The following MKLN1 variants were observed in gnomAD, a reference collection of about 807,000 sequenced individuals.
MKLN1 encodes the protein muskelin 1.
Under a neutral mutation model 99.0 loss-of-function variants are expected in MKLN1, and 18 were observed. The ratio of observed to expected loss-of-function variants is 0.18; its 90% confidence interval spans 0.13 to 0.27. The LOEUF (loss-of-function observed/expected upper bound fraction) is 0.27, where lower values mean the gene tolerates loss of function less well. MKLN1 is among the 10% of genes least tolerant of loss of function. MKLN1 has a pLI of 1.00. For synonymous variants in MKLN1, 288 were observed against 293.2 expected (o/e 0.98, Z 0.18); for missense variants, 621 against 875.9 (o/e 0.71, Z 3.67).
intron 1 of MKLN1, among the ~76,000 whole-genome samples, chr7:131,136,962 T>G (rs567111321): frequency 3.3e-5 from 5 of 152,308 alleles, no homozygotes; most frequent in African/African-American, 1.2e-4. Context: ...CATTGGACTG[T>G]GAGTTTCTTG....
chr7:131,155,264 C>G (rs1164864973), intron 2 of MKLN1, among the ~76,000 whole-genome samples: 1 of 152,134 alleles, frequency 6.6e-6, no homozygotes, highest in Non-Finnish European at 1.5e-5. Flanking sequence ...TATTTCATCA[C>G]CAAGCTATTC....
At chr7:131,126,297 A>T (rs1795456885) in intron 1 of MKLN1, among the ~76,000 whole-genome samples, 1 of 152,128 alleles carries the variant, frequency 6.6e-6, no homozygotes, top group Non-Finnish European at 1.5e-5. Flanking sequence ...ATGAATTATG[A>T]ACTTTTATTT....
chr7:131,419,662 ATAT>A (rs1236393309), intron 8 of MKLN1, among the ~76,000 whole-genome samples: 4 of 152,168 alleles, frequency 2.6e-5, no homozygotes, highest in Non-Finnish European at 4.4e-5. Flanking sequence ...TATTGAACTG[ATAT>A]TATTACAAAG....
At chr7:131,285,443 A>G (rs1168665804) in intron 3 of MKLN1, among the ~76,000 whole-genome samples, 1 of 152,200 alleles carries the variant, frequency 6.6e-6, no homozygotes. Context: ...TTCCGAAATG[A>G]GGTAGAAGCT....
rs528779460 is a variant in MKLN1 at position 131,163,754 on chromosome 7, A to C, written c.-297+20813A>C. ...AAATCTTCTTTTTCCTAAGGGCATC[A>C]GTGTTCTTCGCTCACAAGTAACTCT... On this transcript the variant is annotated intron_variant, in intron 2 of 7. Coordinates refer to the MKLN1 transcript ENST00000416992. Among the ~76,000 whole-genome samples, 12 of 152,334 alleles carry C rather than the reference A, an allele frequency of 7.9e-5. No homozygotes were observed. In the East Asian group the frequency reaches 1.3e-3, roughly 17 times the overall value.
chr7:131,411,238 AT>A (rs1353122255), intron 6 of MKLN1, 67 bp from the exon 7 acceptor site: 4 of 943,070 alleles, frequency 4.2e-6, no homozygotes, highest in South Asian at 1.8e-5. Flanking sequence ...TTAAATTTTA[AT>A]TTTTTTCTAT....
intron 1 of MKLN1, among the ~76,000 whole-genome samples, chr7:131,141,907 A>C (rs1563229402): frequency 6.6e-6 from 1 of 152,226 alleles, no homozygotes; most frequent in Non-Finnish European, 1.5e-5. Context: ...TAACACCAAC[A>C]AAGTATTTGG....
At chr7:131,423,575 G>T (rs1298553292) in intron 8 of MKLN1, among the ~76,000 whole-genome samples, 1 of 152,214 alleles carries the variant, frequency 6.6e-6, no homozygotes, top group South Asian at 2.1e-4. Context: ...CAGGTGATCC[G>T]CCTGCCTCGG....
At chr7:131,206,451 A>T (rs1328701375) in intron 3 of MKLN1, among the ~76,000 whole-genome samples, 1 of 151,866 alleles carries the variant, frequency 6.6e-6, no homozygotes, top group Non-Finnish European at 1.5e-5. Context: ...TAAACCAAAG[A>T]ATTTAATTTT....
At chr7:131,252,723 G>C (rs1200646950) in intron 3 of MKLN1, among the ~76,000 whole-genome samples, 1 of 152,150 alleles carries the variant, frequency 6.6e-6, no homozygotes, top group African/African-American at 2.4e-5. Flanking sequence ...ACTAGAGAAA[G>C]AGCTAAGAAT....
intron 15 of MKLN1, among the ~76,000 whole-genome samples, chr7:131,469,737 A>G (rs1433347743): frequency 6.6e-6 from 1 of 152,220 alleles, no homozygotes; most frequent in Non-Finnish European, 1.5e-5. Context: ...AAGTATACCA[A>G]CGTATTAGAA....
At chr7:131,453,780 T>C (rs1477304683) in intron 12 of MKLN1, among the ~76,000 whole-genome samples, 1 of 152,138 alleles carries the variant, frequency 6.6e-6, no homozygotes, top group East Asian at 1.9e-4. Context: ...TATCAAATAA[T>C]GACAAACTAG....
intron 6 of MKLN1, among the ~76,000 whole-genome samples, chr7:131,402,412 A>G (rs1217143278): frequency 6.6e-6 from 1 of 152,162 alleles, no homozygotes; most frequent in African/African-American, 2.4e-5. Context: ...AACACTTTCC[A>G]CATCATCCAT....
At chr7:131,405,175 G>A (rs1268855677) in intron 6 of MKLN1, among the ~76,000 whole-genome samples, 1 of 152,004 alleles carries the variant, frequency 6.6e-6, no homozygotes, top group Non-Finnish European at 1.5e-5. Flanking sequence ...TGTTTGTTTA[G>A]TGTTTGCAGG....
intron 2 of MKLN1, among the ~76,000 whole-genome samples, chr7:131,147,517 T>C (rs1244773639): frequency 6.6e-6 from 1 of 152,182 alleles, no homozygotes; most frequent in Non-Finnish European, 1.5e-5. Flanking sequence ...CTAGTAATAA[T>C]AATTGCCCAC....
intron 2 of MKLN1, among the ~76,000 whole-genome samples, chr7:131,382,503 G>A (rs1346548204): frequency 2.0e-5 from 3 of 152,040 alleles, no homozygotes; most frequent in Admixed American, 6.5e-5. Context: ...TGTTCAAAAG[G>A]TTTGTCGTTT....
At chr7:131,245,575 C>T (rs141912593) in intron 3 of MKLN1, among the ~76,000 whole-genome samples, 202 of 152,246 alleles carry the variant, frequency 1.3e-3, no homozygotes, top group African/African-American at 4.6e-3. Flanking sequence ...CCACTGTGCC[C>T]GGCCCTATAC....
chr7:131,426,719 A>G (rs1328257751), intron 8 of MKLN1, among the ~76,000 whole-genome samples: 1 of 152,014 alleles, frequency 6.6e-6, no homozygotes, highest in Non-Finnish European at 1.5e-5. Flanking sequence ...AAAGGTGGAA[A>G]TGATGTTCAT....
chr7:131,196,152 A>G (rs116665208), intron 2 of MKLN1, among the ~76,000 whole-genome samples: 76 of 152,248 alleles, frequency 5.0e-4, no homozygotes, highest in African/African-American at 1.8e-3. Context: ...GCCTCTCCAC[A>G]TTCAGTTGTT....
Sources: gnomAD v4.1 joint callset for allele counts (sites outside exome capture counted in the v4.1 genomes callset) on GRCh38, gnomAD v4.1.1 for gene constraint, MANE v1.5 for transcripts, NCBI Gene and HGNC (gene_info 2026-07-23, HGNC 2026-07-21) for gene names.